UNC5D: variants seen among roughly 807,000 people sequenced by gnomAD.
UNC5D encodes the protein unc-5 netrin receptor D.
UNC5D carries 39 observed loss-of-function variants against 105.4 expected under a neutral mutation model. That is an observed-to-expected ratio of 0.37 (90% CI 0.29 to 0.48). UNC5D has a LOEUF of 0.48. Ranked by LOEUF, UNC5D falls within the 20% of genes least tolerant of loss-of-function variation. The pLI is 0.98. For missense variants in UNC5D, 991 were observed against 1,202.4 expected, an observed-to-expected ratio of 0.82 and a Z score of 2.60; for synonymous variants, 452 against 450.4, an observed-to-expected ratio of 1.00 and a Z score of -0.04.
chr8:35,314,924 G>A (rs1000189593), intron 1 of UNC5D, among the ~76,000 whole-genome samples: 3 of 152,114 alleles, frequency 2.0e-5, no homozygotes, highest in Non-Finnish European at 4.4e-5. Context: ...ATGCTGTAAG[G>A]AAATGATCCA....
rs147853347 is a variant in UNC5D, at chr8:35,570,197, G to A, written c.466+1956G>A. ...CTTTGCTCTTCTGCATGTCACCCTC[G>A]CATGTCTGACGTGTGCCATCACACC... On this transcript the variant is annotated intron_variant, in intron 3 of 16. Transcript: ENST00000404895. 3.5e-3 allele frequency among the ~76,000 whole-genome samples: 540 copies of A among 152,158 alleles called. 7 individuals carry two copies. The highest frequency in any genetic ancestry group is 0.013 in the African/African-American group (521 of 41,498).
chr8:35,518,731 G>C (rs978605206), intron 1 of UNC5D, among the ~76,000 whole-genome samples: 1 of 152,168 alleles, frequency 6.6e-6, no homozygotes, highest in Non-Finnish European at 1.5e-5. Flanking sequence ...AAATAATGCT[G>C]TTTGGCAGAC....
chr8:35,783,220 C>T (rs966992971), intron 16 of UNC5D, among the ~76,000 whole-genome samples: 6 of 152,028 alleles, frequency 3.9e-5, no homozygotes, highest in Non-Finnish European at 7.4e-5. Flanking sequence ...ACTTGCTGCC[C>T]TCACGTCACA....
chr8:35,654,002 T>G (rs1823582193), intron 4 of UNC5D, among the ~76,000 whole-genome samples: 1 of 152,234 alleles, frequency 6.6e-6, no homozygotes, highest in African/African-American at 2.4e-5. Flanking sequence ...GCAGGAATTC[T>G]TTGTGGCCTA....
At chr8:35,623,586 T>A (rs1821498965) in intron 4 of UNC5D, among the ~76,000 whole-genome samples, 1 of 152,120 alleles carries the variant, frequency 6.6e-6, no homozygotes, top group Non-Finnish European at 1.5e-5. Context: ...ATTTCTGGGT[T>A]TCATGAGCCA....
At chr8:35,562,230 C>T (rs1007499449) in intron 2 of UNC5D, among the ~76,000 whole-genome samples, 1 of 152,094 alleles carries the variant, frequency 6.6e-6, no homozygotes, top group Non-Finnish European at 1.5e-5. Context: ...AATAATATTT[C>T]ATGATATATA....
At chr8:35,334,289 G>T (rs950542854) in intron 1 of UNC5D, among the ~76,000 whole-genome samples, 1 of 152,134 alleles carries the variant, frequency 6.6e-6, no homozygotes, top group Non-Finnish European at 1.5e-5. Context: ...TGTCCCTAAA[G>T]ATTTTACTAG....
At chr8:35,363,148 G>A (rs776023864) in intron 1 of UNC5D, among the ~76,000 whole-genome samples, 6 of 151,994 alleles carry the variant, frequency 3.9e-5, no homozygotes, top group South Asian at 2.1e-4. Context: ...CCATTTCCAC[G>A]CTGCTGATAA....
intron 1 of UNC5D, among the ~76,000 whole-genome samples, chr8:35,365,018 A>G (rs1039969025): frequency 1.3e-5 from 2 of 152,092 alleles, no homozygotes; most frequent in Admixed American, 1.3e-4. Flanking sequence ...TGCATTTATA[A>G]TAGAGTTAGT....
intron 1 of UNC5D, among the ~76,000 whole-genome samples, chr8:35,434,077 A>C (rs1192912183): frequency 6.6e-6 from 1 of 152,030 alleles, no homozygotes; most frequent in Non-Finnish European, 1.5e-5. Flanking sequence ...TATGTAACAT[A>C]ATGATAAGCC....
intron 2 of UNC5D, among the ~76,000 whole-genome samples, chr8:35,550,909 G>T (rs756393986): frequency 3.3e-5 from 5 of 152,134 alleles, no homozygotes; most frequent in Admixed American, 6.5e-5. Context: ...AGAAAGCTTG[G>T]TATACGTTCA....
intron 1 of UNC5D, among the ~76,000 whole-genome samples, chr8:35,528,819 G>A (rs1814096782): frequency 2.0e-5 from 3 of 150,452 alleles, no homozygotes; most frequent in Admixed American, 6.6e-5. Context: ...ATTTTTTCAT[G>A]TGTTTTTTTG....
chr8:35,520,357 C>A (rs1424878777), intron 1 of UNC5D, among the ~76,000 whole-genome samples: 3 of 151,992 alleles, frequency 2.0e-5, no homozygotes, highest in Non-Finnish European at 4.4e-5. Context: ...CCAAGGTAGG[C>A]AAATCCATAG....
intron 1 of UNC5D, among the ~76,000 whole-genome samples, chr8:35,520,956 C>T (rs983379693): frequency 4.6e-5 from 7 of 152,076 alleles, no homozygotes; most frequent in Admixed American, 1.3e-4. Context: ...TCCATACAGC[C>T]TTCTCTTTTG....
At chr8:35,630,658 C>T (rs766637821) in intron 4 of UNC5D, among the ~76,000 whole-genome samples, 2 of 152,096 alleles carry the variant, frequency 1.3e-5, no homozygotes, top group African/African-American at 4.8e-5. Flanking sequence ...CCGTACATAC[C>T]CTCCAATCAA....
At chr8:35,674,971 C>G (rs981441085) in intron 4 of UNC5D, among the ~76,000 whole-genome samples, 2 of 152,162 alleles carry the variant, frequency 1.3e-5, no homozygotes, top group Non-Finnish European at 2.9e-5. Context: ...ACCACTTATA[C>G]ATCTCTAATA....
At chr8:35,276,476 A>G (rs1429504199) in intron 1 of UNC5D, among the ~76,000 whole-genome samples, 1 of 152,226 alleles carries the variant, frequency 6.6e-6, no homozygotes, top group African/African-American at 2.4e-5. Flanking sequence ...TTGTCAGTGT[A>G]CTTCAGGCAC....
intron 1 of UNC5D, among the ~76,000 whole-genome samples, chr8:35,425,066 A>G (rs1298808030): frequency 6.6e-6 from 1 of 152,186 alleles, no homozygotes. Flanking sequence ...GGATAGCATT[A>G]GGAGATATAC....
intron 14 of UNC5D, among the ~76,000 whole-genome samples, chr8:35,764,791 C>G (rs1173269208): frequency 6.6e-6 from 1 of 152,200 alleles, no homozygotes. Context: ...GTGCCTCTTC[C>G]AGCATTTTCC....
Sources: gnomAD v4.1 joint callset for allele counts (sites outside exome capture counted in the v4.1 genomes callset) on GRCh38, gnomAD v4.1.1 for gene constraint, MANE v1.5 for transcripts, NCBI Gene and HGNC (gene_info 2026-07-23, HGNC 2026-07-21) for gene names.